DLGAP3: variants seen among roughly 807,000 people sequenced by gnomAD.
DLGAP3 encodes the protein disks large-associated protein 3.
Under a neutral mutation model 81.2 loss-of-function variants are expected in DLGAP3, and 17 were observed. That is an observed-to-expected ratio of 0.21 (90% CI 0.14 to 0.31). DLGAP3 has a LOEUF of 0.31. Among genes scored for constraint, DLGAP3 ranks in the 10% least tolerant of loss-of-function variants. The pLI is 1.00. For missense variants in DLGAP3, 1,124 were observed against 1,388.0 expected, an observed-to-expected ratio of 0.81 and a Z score of 3.02; for synonymous variants, 577 against 587.4, an observed-to-expected ratio of 0.98 and a Z score of 0.26.
rs752336194 is a variant in DLGAP3, at chr1:34,885,682, C to G, written c.1710G>C (p.Thr570=). 46 of 1,408,200 alleles carry G rather than the reference C, an allele frequency of 3.3e-5. No individual in the cohort carries two copies. The highest frequency in any genetic ancestry group is 1.6e-5 in the South Asian group (1 of 62,106). 87.2% of individuals were successfully genotyped at this position (1,408,200 alleles called of 1,614,324 possible). The stretch of plus-strand genomic sequence containing the variant: ...AGCGCCGGGCGGGGCCCTCGGCCGC[C>G]GTGAAGCTCTCGTGCGCGGAGTCGG... The part of the protein sequence containing the change: ...SSTDSAHESF[T]AAEGPARRCS... The change falls in exon 7 of 12, where the codon ACG becomes ACC. Residue 570 remains threonine (T), a synonymous_variant. Transcript: ENST00000373347.
intron 5 of DLGAP3, among the ~76,000 whole-genome samples, chr1:34,888,554 T>A (rs1639268328): frequency 6.6e-6 from 1 of 152,178 alleles, no homozygotes; most frequent in Non-Finnish European, 1.5e-5. Flanking sequence ...GAGATTTAGA[T>A]TCGTTGGTTC....
rs80294823 is a variant in DLGAP3, at chr1:34,925,193, C to A, written c.-135+4258G>T. ...CGGGGGCACCTGACAACCCCCCCCC[C>A]ACCTTCCCTCTATGTCCCAAGAGAG... On this transcript the variant is annotated intron_variant, in intron 1 of 11. Coordinates refer to ENST00000373347, the MANE Select transcript of DLGAP3 (RefSeq NM_001080418.3). Among the ~76,000 whole-genome samples the A allele has an allele frequency of 7.2e-4, 105 of 146,502 alleles. 1 individual carries two copies. The highest frequency in any genetic ancestry group is 8.5e-4 in the South Asian group (4 of 4,702).
At position 34,866,236 on chromosome 1, in the gene DLGAP3, C is replaced by G; in HGVS notation, c.2787G>C (p.Lys929Asn). 1 of 1,578,986 alleles carries G rather than the reference C, an allele frequency of 6.3e-7. No individual in the cohort carries two copies. ...KPLRGRGVPV[K>N]ERSLDSVDRQ... ...GGTCCACGGAGTCCAGGGAGCGCTCCTTCACCGGCACGCCCCGGCCCCGCA... is the reference window on the plus strand; with the variant it reads ...GGTCCACGGAGTCCAGGGAGCGCTCGTTCACCGGCACGCCCCGGCCCCGCA... Residue 929 changes from lysine to asparagine, a missense_variant, in exon 12 of 12, where the codon AAG (lysine) becomes AAC (asparagine). Lys to Asn is a moderately conservative substitution (Grantham distance 94, BLOSUM62 0). Coordinates refer to ENST00000373347, the MANE Select transcript of DLGAP3 (RefSeq NM_001080418.3).
At position 34,895,917 on chromosome 1, in the gene DLGAP3, TACACACAC is replaced by T. The variant is rs34456104; in HGVS notation, c.1386+3744_1386+3751del. Among the ~76,000 whole-genome samples, 43 of 144,580 alleles carry T rather than the reference TACACACAC, an allele frequency of 3.0e-4. No individual in the cohort carries two copies. The highest frequency in any genetic ancestry group is 1.0e-3 in the African/African-American group (39 of 38,248). 94.9% of individuals were successfully genotyped at this position (144,580 alleles called of 152,430 possible). ...CTGGACCCCTAACTTGAATCACACA[TACACACAC>T]ACACACACACACACACACACACACA... On this transcript the variant is annotated intron_variant, in intron 5 of 11. Coordinates refer to ENST00000373347, the MANE Select transcript of DLGAP3 (RefSeq NM_001080418.3). This position sits in a 1 kb window ranked among gnomAD's most constrained non-coding sequence, Gnocchi z 4.5.
intron 8 of DLGAP3, among the ~76,000 whole-genome samples, chr1:34,883,633 G>A (rs1482598708): frequency 6.6e-6 from 1 of 152,216 alleles, no homozygotes. Context: ...TTGTGGCACA[G>A]TAAAAGTTTG....
rs1639918184 is a variant in DLGAP3 at position 34,929,127 on chromosome 1, T to C, written c.-135+324A>G. The stretch of plus-strand genomic sequence containing the variant: ...CACCACGACTTCCCCCACAACCAGC[T>C]GGCTACTCCCTCCCAGACCCGAGCC... On this transcript the variant is annotated intron_variant, in intron 1 of 11. Transcript: ENST00000373347. The surrounding 1 kb of genome is among the most constrained non-coding windows in gnomAD (Gnocchi z 6.5). 6.6e-6 allele frequency among the ~76,000 whole-genome samples: 1 copy of C among 151,932 alleles called. No homozygotes were observed. The highest frequency in any genetic ancestry group is 1.5e-5 in the Non-Finnish European group (1 of 67,892).
At chr1:34,924,027 C>T (rs959329155) in intron 1 of DLGAP3, among the ~76,000 whole-genome samples, 1 of 152,126 alleles carries the variant, frequency 6.6e-6, no homozygotes, top group Non-Finnish European at 1.5e-5. Flanking sequence ...CCCTTCCTGC[C>T]TGTTGTTCCC....
chr1:34,906,464 C>T (rs1018390674), intron 2 of DLGAP3, among the ~76,000 whole-genome samples: 1 of 152,176 alleles, frequency 6.6e-6, no homozygotes, highest in African/African-American at 2.4e-5. Context: ...TCCTTCCACA[C>T]CCTGTGCATT....
At chr1:34,917,127 T>A (rs929427292) in intron 1 of DLGAP3, among the ~76,000 whole-genome samples, 4 of 152,134 alleles carry the variant, frequency 2.6e-5, no homozygotes, top group African/African-American at 9.7e-5. Flanking sequence ...CTCTTCCTCA[T>A]ACACAGCTAT....
In DLGAP3 at chr1:34,884,968, G is replaced by A. The variant is rs775171191; in HGVS notation, c.2000+10C>T. ...CCAGCGAAGCCTGGGCACTCCCACC[G>A]TGACTTTACCTCTTGTCCTCTTCCA... On this transcript the variant is annotated intron_variant, in intron 8 of 11. Coordinates refer to ENST00000373347, the MANE Select transcript of DLGAP3 (RefSeq NM_001080418.3). 2.5e-6 allele frequency: 4 copies of A among 1,608,118 alleles called. No homozygotes were observed. The highest frequency in any genetic ancestry group is 3.4e-6 in the Non-Finnish European group (4 of 1,176,066).
chr1:34,886,548 C>T (rs115188145), intron 5 of DLGAP3, among the ~76,000 whole-genome samples: 3,617 of 148,880 alleles, frequency 0.024, 162 homozygotes, highest in African/African-American at 0.086. Flanking sequence ...CCACCTATGC[C>T]TCTTCCAGGT....
chr1:34,923,492 G>A (rs1016502337), intron 1 of DLGAP3, among the ~76,000 whole-genome samples: 2 of 152,146 alleles, frequency 1.3e-5, no homozygotes, highest in Non-Finnish European at 2.9e-5. Context: ...AGCAGCTGCT[G>A]GAACAGTGGA....
chr1:34,868,608 C>A lies in DLGAP3; in HGVS notation c.2482G>T (p.Glu828Ter). The change falls in exon 9 of 12, where the codon GAG (glutamate) becomes TAG (stop). Residue 828 changes from glutamate to a stop codon, truncating the protein, a stop_gained. Transcript: ENST00000373347. LOFTEE classifies it high-confidence loss of function. This position sits in a 1 kb window ranked among gnomAD's most constrained non-coding sequence, Gnocchi z 7.5. ...TTGTTCCGATGCCGTGACTCACTCT[C>A]CTCGGGTAGCTCATAGTCCTCCGCC... is the stretch of plus-strand genomic sequence containing the variant. ...REAEDYELPE[E>*]ILEKIRSAVG... is the part of the protein sequence containing the mutation. The A allele has an allele frequency of 6.2e-7, 1 of 1,612,674 alleles. No homozygotes were observed. The highest frequency in any genetic ancestry group is 8.5e-7 in the Non-Finnish European group (1 of 1,179,788).
intron 1 of DLGAP3, among the ~76,000 whole-genome samples, chr1:34,922,692 T>C (rs1639813854): frequency 1.3e-5 from 2 of 152,234 alleles, no homozygotes; most frequent in African/African-American, 2.4e-5. Context: ...CATATACTTA[T>C]GTACATATAC....
chr1:34,867,540 C>G lies in DLGAP3; in HGVS notation c.2573G>C (p.Ser858Thr). The G allele has an allele frequency of 1.9e-6, 3 of 1,613,412 alleles. No individual in the cohort carries two copies. The highest frequency in any genetic ancestry group is 2.5e-6 in the Non-Finnish European group (3 of 1,179,296). The change falls in exon 10 of 12, where the codon AGC (serine) becomes ACC (threonine). Residue 858 changes from serine (S) to threonine (T), a missense_variant. This residue lies in a region of DLGAP3 where 133 missense variants were observed against 171.1 expected (regional missense o/e 0.78). Coordinates refer to ENST00000373347, the MANE Select transcript of DLGAP3 (RefSeq NM_001080418.3). The surrounding 1 kb of genome is among the most constrained non-coding windows in gnomAD (Gnocchi z 4.3). The part of the protein sequence containing the change: ...VQQFFRLCQQ[S>T]MDPTAFPVPT... ...TCTACTACTATGGGCACTCACCATG[C>G]TTTGCTGACACAGCCGGAAGAACTG... is the stretch of plus-strand genomic sequence containing the variant.
chr1:34,877,815 T>C (rs1028998293), intron 8 of DLGAP3, among the ~76,000 whole-genome samples: 2 of 152,070 alleles, frequency 1.3e-5, no homozygotes, highest in African/African-American at 4.8e-5. Context: ...TCCAAACCAG[T>C]GGAGTGAAGA....
chr1:34,910,473 G>A (rs538384364), intron 1 of DLGAP3, among the ~76,000 whole-genome samples: 53 of 152,158 alleles, frequency 3.5e-4, no homozygotes, highest in Admixed American at 5.9e-4. Flanking sequence ...AAATGCCTTC[G>A]CTTGTCCAAC....
intron 8 of DLGAP3, among the ~76,000 whole-genome samples, chr1:34,874,907 C>T (rs1639028332): frequency 6.6e-6 from 1 of 152,064 alleles, no homozygotes; most frequent in African/African-American, 2.4e-5. Flanking sequence ...ATAGAAGCTC[C>T]TGTGTGAAGG....
At chr1:34,876,036 G>A (rs974283387) in intron 8 of DLGAP3, among the ~76,000 whole-genome samples, 2 of 152,266 alleles carry the variant, frequency 1.3e-5, no homozygotes, top group African/African-American at 4.8e-5. Flanking sequence ...TTCGTGGTAA[G>A]CTTTGCATGG....
Sources: gnomAD v4.1 joint callset for allele counts (sites outside exome capture counted in the v4.1 genomes callset) on GRCh38, gnomAD v4.1.1 for gene constraint, gnomAD v4.1.1 regional missense constraint, Gnocchi (gnomAD v3.1) non-coding constraint, MANE v1.5 for transcripts, NCBI Gene and HGNC (gene_info 2026-07-23, HGNC 2026-07-21) for gene names.